MSI2: variants seen among roughly 807,000 people sequenced by gnomAD.
MSI2 encodes RNA-binding protein Musashi homolog 2.
MSI2 carries 17 observed loss-of-function variants against 45.6 expected under a neutral mutation model. The observed-to-expected ratio is 0.37, with a 90% confidence interval of 0.26 to 0.56. The LOEUF (loss-of-function observed/expected upper bound fraction) is 0.56, where lower values mean the gene tolerates loss of function less well. Among genes scored for constraint, MSI2 ranks in the 20% least tolerant of loss-of-function variants. The pLI, the probability that MSI2 is intolerant of heterozygous loss-of-function variation, is 0.77. For missense variants in MSI2, 293 were observed against 444.2 expected, an observed-to-expected ratio of 0.66 and a Z score of 3.06; for synonymous variants, 156 against 158.2, an observed-to-expected ratio of 0.99 and a Z score of 0.11.
At chr17:57,409,407 G>A (rs2084145802) in intron 6 of MSI2, among the ~76,000 whole-genome samples, 1 of 152,222 alleles carries the variant, frequency 6.6e-6, no homozygotes, top group Non-Finnish European at 1.5e-5. Context: ...CGGAGGGAAA[G>A]CCGGCATTAA....
intron 6 of MSI2, among the ~76,000 whole-genome samples, chr17:57,421,607 G>T (rs572917801): frequency 6.6e-6 from 1 of 152,056 alleles, no homozygotes; most frequent in Non-Finnish European, 1.5e-5. Context: ...AATAGTCCTG[G>T]TGCAGTGGCT....
chr17:57,529,893 G>GT lies in MSI2; in HGVS notation c.454+171dup, dbSNP rs1183016449. ...ACGGAGAGTCCCAGTAGCACAAAGA[G>GT]TTCCAGTACTGGATAGCTGAAAAAC... On this transcript the variant is annotated intron_variant, in intron 7 of 13. Coordinates refer to ENST00000284073, the MANE Select transcript of MSI2 (RefSeq NM_138962.4). The surrounding 1 kb of genome is among the most constrained non-coding windows in gnomAD (Gnocchi z 5.3). 6.6e-6 allele frequency among the ~76,000 whole-genome samples: 1 copy of GT among 152,150 alleles called. No homozygotes were observed. Among genetic ancestry groups the GT allele is most frequent in the African/African-American group, 2.4e-5 (1 of 41,444 alleles).
At chr17:57,487,281 T>C (rs2085773792) in intron 6 of MSI2, among the ~76,000 whole-genome samples, 1 of 152,216 alleles carries the variant, frequency 6.6e-6, no homozygotes, top group Non-Finnish European at 1.5e-5. Flanking sequence ...AGTCACGTGT[T>C]CCACACAGGT....
intron 7 of MSI2, among the ~76,000 whole-genome samples, chr17:57,557,416 C>T (rs961536286): frequency 6.6e-6 from 1 of 152,246 alleles, no homozygotes; most frequent in Admixed American, 6.5e-5. Flanking sequence ...GGGGCCAAAG[C>T]CCCCTTTCCC....
At chr17:57,325,817 C>A (rs1010266557) in intron 5 of MSI2, among the ~76,000 whole-genome samples, 3 of 152,208 alleles carry the variant, frequency 2.0e-5, no homozygotes, top group Non-Finnish European at 4.4e-5. Context: ...CCGTACCAAG[C>A]GTGATGCTTC....
At chr17:57,286,023 G>T (rs766543410) in intron 5 of MSI2, 1 of 1,513,952 alleles carries the variant, frequency 6.6e-7, no homozygotes, top group Non-Finnish European at 8.8e-7. Context: ...GTAAGAAAAA[G>T]TTCATGCTGT....
At chr17:57,639,881 C>T (rs1910121820) in intron 10 of MSI2, among the ~76,000 whole-genome samples, 1 of 152,224 alleles carries the variant, frequency 6.6e-6, no homozygotes, top group South Asian at 2.1e-4. Flanking sequence ...CTGCCTCCTC[C>T]ACCCATCCAT....
intron 5 of MSI2, among the ~76,000 whole-genome samples, chr17:57,375,834 C>T (rs1170022007): frequency 6.6e-6 from 1 of 152,106 alleles, no homozygotes; most frequent in Non-Finnish European, 1.5e-5. Flanking sequence ...CATCCTTCTC[C>T]TTTCATTCGC....
intron 7 of MSI2, among the ~76,000 whole-genome samples, chr17:57,563,750 A>G (rs868332770): frequency 0.042 from 5,506 of 130,378 alleles, 162 homozygotes; most frequent in African/African-American, 0.085. Flanking sequence ...AGGCGCGCAC[A>G]CACACACACA....
At chr17:57,467,325 T>C (rs1598302469) in intron 6 of MSI2, among the ~76,000 whole-genome samples, 1 of 151,612 alleles carries the variant, frequency 6.6e-6, no homozygotes, top group East Asian at 1.9e-4. Flanking sequence ...AAGCATTGGA[T>C]GGATGGAAAA....
chr17:57,633,286 T>C, intron 10 of MSI2: 1 of 690,950 alleles, frequency 1.4e-6, no homozygotes, highest in Non-Finnish European at 1.8e-6. Flanking sequence ...TAGTGCAGTT[T>C]CTAAAAGCAT....
chr17:57,609,291 A>G (rs138448622), intron 8 of MSI2, among the ~76,000 whole-genome samples: 13 of 149,018 alleles, frequency 8.7e-5, no homozygotes, highest in Admixed American at 1.3e-4. Context: ...ACAGATACCC[A>G]CCCTAGAAGC....
At chr17:57,328,579 T>G (rs967675473) in intron 5 of MSI2, among the ~76,000 whole-genome samples, 1 of 152,184 alleles carries the variant, frequency 6.6e-6, no homozygotes, top group African/African-American at 2.4e-5. Flanking sequence ...CCAGTGCAGT[T>G]TTTGCCGGTT....
At chr17:57,542,961 T>A (rs1031161180) in intron 7 of MSI2, among the ~76,000 whole-genome samples, 5 of 152,240 alleles carry the variant, frequency 3.3e-5, no homozygotes, top group Non-Finnish European at 5.9e-5. Context: ...TGTATCTGTG[T>A]CTTCCACTCT....
chr17:57,365,971 G>A (rs1317053004), intron 5 of MSI2, among the ~76,000 whole-genome samples: 3 of 152,096 alleles, frequency 2.0e-5, no homozygotes, highest in African/African-American at 4.8e-5. Context: ...GGATGCAGTG[G>A]GTGTGATATC....
intron 11 of MSI2, among the ~76,000 whole-genome samples, chr17:57,657,109 A>G (rs776471684): frequency 6.6e-6 from 1 of 152,224 alleles, no homozygotes; most frequent in Non-Finnish European, 1.5e-5. Flanking sequence ...AAAACGTCGG[A>G]GTCCATAAAG....
At chr17:57,535,085 T>A (rs116963720) in intron 7 of MSI2, among the ~76,000 whole-genome samples, 2,544 of 151,902 alleles carry the variant, frequency 0.017, 26 homozygotes, top group Non-Finnish European at 0.03. Flanking sequence ...GGCCGGGGAG[T>A]AGACAGCCAG....
At chr17:57,456,450 G>C (rs1001492499) in intron 6 of MSI2, among the ~76,000 whole-genome samples, 1 of 152,160 alleles carries the variant, frequency 6.6e-6, no homozygotes, top group Non-Finnish European at 1.5e-5. Context: ...TCTACTATTA[G>C]TGGGGCGTGG....
chr17:57,418,633 C>G (rs538798001), intron 6 of MSI2, among the ~76,000 whole-genome samples: 1 of 152,268 alleles, frequency 6.6e-6, no homozygotes, highest in African/African-American at 2.4e-5. Context: ...GAGGATTGTA[C>G]CCACAAACGT....
Sources: gnomAD v4.1 joint callset for allele counts (sites outside exome capture counted in the v4.1 genomes callset) on GRCh38, gnomAD v4.1.1 for gene constraint, Gnocchi (gnomAD v3.1) non-coding constraint, MANE v1.5 for transcripts, NCBI Gene and HGNC (gene_info 2026-07-23, HGNC 2026-07-21) for gene names.